TRANK1: variants seen among roughly 807,000 people sequenced by gnomAD.
TRANK1 encodes TPR and ankyrin repeat-containing protein 1.
A neutral mutation model predicts 266.0 loss-of-function variants in TRANK1; 198 were observed. That is an observed-to-expected ratio of 0.74 (90% CI 0.66 to 0.84). TRANK1 has a LOEUF of 0.84. TRANK1 is among the 40% of genes least tolerant of loss of function. The pLI, the probability that TRANK1 is intolerant of heterozygous loss-of-function variation, is 0.00. For synonymous variants in TRANK1, 1,396 were observed against 1,384.1 expected, an observed-to-expected ratio of 1.01 and a Z score of -0.19; for missense variants, 3,326 against 3,634.6, an observed-to-expected ratio of 0.92 and a Z score of 2.18.
chr3:36,830,892 C>A lies in TRANK1; in HGVS notation c.8691G>T (p.Arg2897Ser), dbSNP rs1186213860. The change falls in exon 22 of 24, where the codon AGG becomes AGT. Residue 2897 changes from arginine (R) to serine (S), a missense_variant. Transcript: ENST00000645898. ...CCTTACCGCCAGCCCAGGCCTTCCGCCTGTAGAGGTCCTCCACCATATCCG... is the reference window on the plus strand; with the variant it reads ...CCTTACCGCCAGCCCAGGCCTTCCGACTGTAGAGGTCCTCCACCATATCCG... ...RVSDMVEDLY[R>S]RKAWAGAEEA... 6.2e-7 allele frequency: 1 copy of A among 1,608,948 alleles called. No homozygotes were observed. The highest frequency in any genetic ancestry group is 8.5e-7 in the Non-Finnish European group (1 of 1,176,302).
intron 1 of TRANK1, among the ~76,000 whole-genome samples, chr3:36,932,856 A>G (rs1392643202): frequency 6.6e-6 from 1 of 152,198 alleles, no homozygotes; most frequent in East Asian, 1.9e-4. Flanking sequence ...AATTTGTGGT[A>G]GTTTGTTTTT....
At chr3:36,918,837 G>C (rs984620351) in intron 1 of TRANK1, among the ~76,000 whole-genome samples, 1 of 152,120 alleles carries the variant, frequency 6.6e-6, no homozygotes, top group Non-Finnish European at 1.5e-5. Context: ...TAGTAGTACT[G>C]ATTTACATGC....
At chr3:36,937,371 A>T (rs2125669814) in intron 1 of TRANK1, among the ~76,000 whole-genome samples, 1 of 152,320 alleles carries the variant, frequency 6.6e-6, no homozygotes, top group South Asian at 2.1e-4. Context: ...ACCCATCTCA[A>T]GCATCTTCTC....
chr3:36,866,149 ATTTT>A (rs1281516151), intron 9 of TRANK1, among the ~76,000 whole-genome samples: 1 of 152,062 alleles, frequency 6.6e-6, no homozygotes, highest in Non-Finnish European at 1.5e-5. Context: ...AAAATGACAA[ATTTT>A]TTTTATTAGG....
At chr3:36,840,628 C>T (rs2078831242) in intron 18 of TRANK1, among the ~76,000 whole-genome samples, 1 of 152,222 alleles carries the variant, frequency 6.6e-6, no homozygotes, top group Non-Finnish European at 1.5e-5. Context: ...CCTCAAGGGG[C>T]CTTGTGTGCT....
At chr3:36,874,320 G>T in intron 8 of TRANK1, 24 bp from the exon 9 acceptor site, 1 of 1,533,430 alleles carries the variant, frequency 6.5e-7, no homozygotes, top group Non-Finnish European at 8.7e-7. Context: ...AAATGAGAAG[G>T]GGTGTTTGTC....
intron 4 of TRANK1, among the ~76,000 whole-genome samples, chr3:36,897,443 T>C (rs986384637): frequency 6.6e-6 from 1 of 152,198 alleles, no homozygotes; most frequent in Admixed American, 6.5e-5. Context: ...CACTTCCCTG[T>C]CTAGGGGACA....
intron 9 of TRANK1, among the ~76,000 whole-genome samples, chr3:36,866,231 A>G (rs1425120169): frequency 6.6e-6 from 1 of 152,232 alleles, no homozygotes; most frequent in Non-Finnish European, 1.5e-5. Flanking sequence ...CTGGACATTT[A>G]TTTTCACACC....
At position 36,832,217 on chromosome 3, in the gene TRANK1, G is replaced by A; in HGVS notation, c.7366C>T (p.Leu2456=). 3 of 1,614,008 alleles carry A rather than the reference G, an allele frequency of 1.9e-6. No homozygotes were observed. The highest frequency in any genetic ancestry group is 2.5e-6 in the Non-Finnish European group (3 of 1,179,888). ...CCACAGTGGATGAACTGGAACTCCA[G>A]GAGGGCTACTGTGTTTCCAATGCTG... ...IPSIGNTVAL[L]EFQFIHCGVV... The change falls in exon 22 of 24, where the codon CTG becomes TTG. Residue 2456 remains leucine (L), a synonymous_variant. Coordinates refer to ENST00000645898, the MANE Select transcript of TRANK1 (RefSeq NM_001329998.2).
rs770119973 is a variant in TRANK1, at chr3:36,833,586, A to C, written c.5997T>G (p.Asn1999Lys). ...GTTCTATGTCGGAATCCCTGGCCACATTGAGGCGGGCGGCCCCCAGCAGAC... is the reference window on the plus strand; with the variant it reads ...GTTCTATGTCGGAATCCCTGGCCACCTTGAGGCGGGCGGCCCCCAGCAGAC... ...ASCLLGAARL[N>K]VARDSDIEHT... The change falls in exon 22 of 24, where the codon AAT becomes AAG. Residue 1999 changes from asparagine (N) to lysine (K), a missense_variant. By Grantham distance (94) the Asn-to-Lys change is moderately conservative (BLOSUM62 0). Transcript: ENST00000645898. The C allele has an allele frequency of 9.3e-6, 15 of 1,613,822 alleles. No individual in the cohort carries two copies. The highest frequency in any genetic ancestry group is 1.3e-5 in the Non-Finnish European group (15 of 1,179,892).
At chr3:36,918,977 T>C (rs947604882) in intron 1 of TRANK1, among the ~76,000 whole-genome samples, 3 of 152,200 alleles carry the variant, frequency 2.0e-5, no homozygotes, top group Non-Finnish European at 4.4e-5. Context: ...GTTTGCAGTA[T>C]TCAAAGTATA....
intron 1 of TRANK1, chr3:36,908,657 G>A (rs1280272117): frequency 8.2e-7 from 1 of 1,220,488 alleles, no homozygotes; most frequent in Non-Finnish European, 1.0e-6. Flanking sequence ...GTTCTTTTCT[G>A]TTCTCAAGGG....
At chr3:36,854,060 T>C (rs1395336488) in intron 13 of TRANK1, among the ~76,000 whole-genome samples, 3 of 152,194 alleles carry the variant, frequency 2.0e-5, no homozygotes, top group Non-Finnish European at 4.4e-5. Flanking sequence ...ATTATCAACA[T>C]GCAAAATTCT....
chr3:36,874,003 C>T, intron 9 of TRANK1, 123 bp downstream of exon 9: 1 of 773,998 alleles, frequency 1.3e-6, no homozygotes, highest in South Asian at 4.3e-5. Flanking sequence ...ATTGGTAGGT[C>T]TCACTTCCAT....
chr3:36,942,770 C>G (rs1475660508), intron 1 of TRANK1, among the ~76,000 whole-genome samples: 2 of 151,884 alleles, frequency 1.3e-5, no homozygotes, highest in African/African-American at 4.8e-5. Context: ...GAAATGCTGA[C>G]GGTCTCCTCA....
intron 1 of TRANK1, among the ~76,000 whole-genome samples, chr3:36,943,608 G>A (rs933829062): frequency 6.6e-6 from 1 of 150,420 alleles, no homozygotes; most frequent in African/African-American, 2.4e-5. Flanking sequence ...CACCGTCCCC[G>A]CCCTCCAACA....
chr3:36,923,955 T>A (rs1211696270), intron 1 of TRANK1, among the ~76,000 whole-genome samples: 3 of 152,156 alleles, frequency 2.0e-5, no homozygotes, highest in African/African-American at 2.4e-5. Context: ...AAGAAGACTC[T>A]CTCTCCTATC....
chr3:36,856,354 G>T lies in TRANK1; in HGVS notation c.3368C>A (p.Pro1123His), dbSNP rs1202958103. 3 of 1,577,634 alleles carry T rather than the reference G, an allele frequency of 1.9e-6. No homozygotes were observed. The highest frequency in any genetic ancestry group is 3.8e-5 in the Admixed American group (2 of 52,942). The change falls in exon 13 of 24, where the codon CCC (proline) becomes CAC (histidine). Residue 1123 changes from proline to histidine, a missense_variant. Coordinates refer to ENST00000645898, the MANE Select transcript of TRANK1 (RefSeq NM_001329998.2). ...CTCCCCACCTGGACTCTCTTTTCCG[G>T]GTTCCACTTCCAACCTTCTCTTCAG... ...VWLKRRLEVE[P>H]GKESPGGEEE...
intron 1 of TRANK1, among the ~76,000 whole-genome samples, chr3:36,921,230 G>A (rs2080208913): frequency 6.6e-6 from 1 of 152,134 alleles, no homozygotes; most frequent in Non-Finnish European, 1.5e-5. Flanking sequence ...AGCTTAGACT[G>A]TGCTGTCCAA....
Sources: gnomAD v4.1 joint callset for allele counts (sites outside exome capture counted in the v4.1 genomes callset) on GRCh38, gnomAD v4.1.1 for gene constraint, MANE v1.5 for transcripts, NCBI Gene and HGNC (gene_info 2026-07-23, HGNC 2026-07-21) for gene names.